ARHGAP42: variants seen among roughly 807,000 people sequenced by gnomAD.
The protein encoded by ARHGAP42 is rho GTPase-activating protein 42.
In ARHGAP42, 63 loss-of-function variants were observed where a neutral mutation model predicts 125.0. The ratio of observed to expected loss-of-function variants is 0.50; its 90% confidence interval spans 0.41 to 0.62. The LOEUF (loss-of-function observed/expected upper bound fraction) is 0.62, where lower values mean the gene tolerates loss of function less well. Ranked by LOEUF, ARHGAP42 falls within the 20% of genes least tolerant of loss-of-function variation. The pLI, the probability that ARHGAP42 is intolerant of heterozygous loss-of-function variation, is 0.00. For synonymous variants in ARHGAP42, 339 were observed against 351.0 expected (o/e 0.97, Z 0.38); for missense variants, 766 against 1,024.2 (o/e 0.75, Z 3.44).
At chr11:100,919,616 G>A (rs1056523248) in intron 5 of ARHGAP42, among the ~76,000 whole-genome samples, 46 of 152,090 alleles carry the variant, frequency 3.0e-4, no homozygotes, top group African/African-American at 1.1e-3. Context: ...TGCCCAGGCT[G>A]GTCTTGAACT....
At chr11:100,782,945 G>A (rs1216984860) in intron 2 of ARHGAP42, among the ~76,000 whole-genome samples, 1 of 152,158 alleles carries the variant, frequency 6.6e-6, no homozygotes, top group African/African-American at 2.4e-5. Flanking sequence ...CACAAAGCAT[G>A]CATTTTATTT....
intron 1 of ARHGAP42, among the ~76,000 whole-genome samples, chr11:100,718,376 C>T (rs1440534726): frequency 1.3e-5 from 2 of 152,198 alleles, no homozygotes; most frequent in African/African-American, 4.8e-5. Context: ...CAGATATTTT[C>T]TGTGCAAATG....
chr11:100,901,117 A>G (rs376707195), intron 4 of ARHGAP42, among the ~76,000 whole-genome samples: 1 of 151,832 alleles, frequency 6.6e-6, no homozygotes, highest in Non-Finnish European at 1.5e-5. Flanking sequence ...ATTCCTTTCT[A>G]TTTGTTAGTT....
chr11:100,701,978 T>C (rs117872640), intron 1 of ARHGAP42, among the ~76,000 whole-genome samples: 3,718 of 152,246 alleles, frequency 0.024, 67 homozygotes, highest in Non-Finnish European at 0.036. Context: ...TGAAGTTTGA[T>C]CATTTTATCT....
rs557217608 is a variant in ARHGAP42 at position 100,799,448 on chromosome 11, G to C, written c.312+4282G>C. 3.5e-4 allele frequency among the ~76,000 whole-genome samples: 54 copies of C among 152,258 alleles called. No individual in the cohort carries two copies. The South Asian group carries it at 0.011, about 30-fold the overall frequency. On this transcript the variant is annotated intron_variant, in intron 3 of 23. Coordinates refer to ENST00000298815, the MANE Select transcript of ARHGAP42 (RefSeq NM_152432.4). ...AAGCCTAAATAGTATGCTGTTTTACGTGCTTTATATGTGATCCTTACTCTA... is the reference window on the plus strand; with the variant it reads ...AAGCCTAAATAGTATGCTGTTTTACCTGCTTTATATGTGATCCTTACTCTA...
chr11:100,859,481 A>G (rs954215902), intron 3 of ARHGAP42, 73 bp from the exon 4 acceptor site: 2 of 1,292,008 alleles, frequency 1.5e-6, no homozygotes, highest in Admixed American at 2.6e-5. Context: ...TACATTGGAT[A>G]AAGTAGCCAT....
chr11:100,837,191 C>T (rs950751894), intron 3 of ARHGAP42, among the ~76,000 whole-genome samples: 2 of 151,912 alleles, frequency 1.3e-5, no homozygotes, highest in Non-Finnish European at 2.9e-5. Context: ...TTTTTTTCAA[C>T]CCTAAATGTT....
At position 100,692,819 on chromosome 11, in the gene ARHGAP42, T is replaced by C. The variant is rs148131321; in HGVS notation, c.154+4987T>C. ...GATTTGAGAATTAAGTGGGTGTTTATAGTGAAGGAAAACCCTAAGTGCAAA... is the reference window on the plus strand; with the variant it reads ...GATTTGAGAATTAAGTGGGTGTTTACAGTGAAGGAAAACCCTAAGTGCAAA... On this transcript the variant is annotated intron_variant, in intron 1 of 23. Coordinates refer to ENST00000298815, the MANE Select transcript of ARHGAP42 (RefSeq NM_152432.4). Among the ~76,000 whole-genome samples the C allele has an allele frequency of 2.6e-5, 4 of 152,338 alleles. No individual in the cohort carries two copies. In the East Asian group the frequency reaches 7.7e-4, roughly 29 times the overall value.
chr11:100,716,129 G>A (rs1318693007), intron 1 of ARHGAP42, among the ~76,000 whole-genome samples: 2 of 152,334 alleles, frequency 1.3e-5, no homozygotes, highest in East Asian at 3.9e-4. Context: ...CGTACTGTTA[G>A]TTTTGAAAGT....
At chr11:100,900,892 A>G (rs1367352265) in intron 4 of ARHGAP42, among the ~76,000 whole-genome samples, 1 of 152,128 alleles carries the variant, frequency 6.6e-6, no homozygotes. Flanking sequence ...TACTTCTGTC[A>G]ACTCGTCAAA....
intron 3 of ARHGAP42, among the ~76,000 whole-genome samples, chr11:100,840,893 A>G (rs1591228041): frequency 1.3e-5 from 2 of 152,160 alleles, no homozygotes. Context: ...GTTAGTGCTG[A>G]GTCTGCTATT....
At chr11:100,831,459 T>C (rs1864662223) in intron 3 of ARHGAP42, among the ~76,000 whole-genome samples, 2 of 152,124 alleles carry the variant, frequency 1.3e-5, no homozygotes, top group Admixed American at 1.3e-4. Flanking sequence ...CTAAAAAAAT[T>C]AGTTAATAGG....
At chr11:100,973,906 T>C (rs946274602) in intron 18 of ARHGAP42, among the ~76,000 whole-genome samples, 2 of 152,166 alleles carry the variant, frequency 1.3e-5, no homozygotes, top group Non-Finnish European at 2.9e-5. Context: ...ATTAAGGCCT[T>C]CTCCTCCCCT....
At chr11:100,969,573 C>CA (rs1858185638) in intron 17 of ARHGAP42, among the ~76,000 whole-genome samples, 1 of 152,016 alleles carries the variant, frequency 6.6e-6, no homozygotes, top group Non-Finnish European at 1.5e-5. Flanking sequence ...CCTCAGATTG[C>CA]ATAGTCTCTA....
intron 4 of ARHGAP42, among the ~76,000 whole-genome samples, chr11:100,890,170 G>C (rs1462571374): frequency 6.6e-6 from 1 of 152,168 alleles, no homozygotes; most frequent in African/African-American, 2.4e-5. Context: ...TCCTTAGGCA[G>C]CCACATCTTT....
intron 5 of ARHGAP42, among the ~76,000 whole-genome samples, chr11:100,916,541 T>C (rs1591292831): frequency 6.6e-6 from 1 of 152,116 alleles, no homozygotes; most frequent in African/African-American, 2.4e-5. Flanking sequence ...AAAACGCAAA[T>C]AACAACATGT....
intron 4 of ARHGAP42, among the ~76,000 whole-genome samples, chr11:100,903,131 A>ACACACACGCGCACACACACACACACT (rs1866603220): frequency 5.3e-5 from 8 of 151,448 alleles, no homozygotes; most frequent in African/African-American, 1.7e-4. Flanking sequence ...ACACACACAC[A>ACACACACGCGCACACACACACACACT]CACACACACA....
chr11:100,993,298 C>T lies in ARHGAP42; in HGVS notation c.*4497C>T, dbSNP rs1858890814. On this transcript the variant is annotated 3_prime_UTR_variant, in exon 24 of 24. Coordinates refer to ENST00000298815, the MANE Select transcript of ARHGAP42 (RefSeq NM_152432.4). ...AAGATGCATTTTATATAAAAATGCA[C>T]ACCTTTAATCTCTATATGGCAGCAT... 6.0e-6 allele frequency: 1 copy of T among 166,824 alleles called. No individual in the cohort carries two copies. Among genetic ancestry groups the T allele is most frequent in the Non-Finnish European group, 1.5e-5 (1 of 68,244 alleles). 10.3% of individuals were successfully genotyped at this position (166,824 alleles called of 1,614,324 possible).
chr11:100,706,941 A>G (rs951053309), intron 1 of ARHGAP42, among the ~76,000 whole-genome samples: 2 of 152,194 alleles, frequency 1.3e-5, no homozygotes, highest in Admixed American at 6.5e-5. Flanking sequence ...ACTGTTACCA[A>G]TATACTTTCT....
Sources: gnomAD v4.1 joint callset for allele counts (sites outside exome capture counted in the v4.1 genomes callset) on GRCh38, gnomAD v4.1.1 for gene constraint, MANE v1.5 for transcripts, NCBI Gene and HGNC (gene_info 2026-07-23, HGNC 2026-07-21) for gene names.